The following SH3BGRL2 variants were observed in gnomAD, a reference collection of about 807,000 sequenced individuals.
SH3BGRL2 encodes SH3 domain-binding glutamic acid-rich-like protein 2.
A neutral mutation model predicts 14.8 loss-of-function variants in SH3BGRL2; 21 were observed. That is an observed-to-expected ratio of 1.42 (90% CI 1.01 to 2.05). The LOEUF is 2.05. Among genes scored for constraint, SH3BGRL2 ranks in the 30% most tolerant of loss-of-function variants. The probability of loss-of-function intolerance (pLI) is 0.00; values close to 1 mark genes in which losing one functional copy is unlikely to be tolerated. For missense variants in SH3BGRL2, 147 were observed against 130.8 expected (o/e 1.12, Z -0.61); for synonymous variants, 50 against 47.8 (o/e 1.05, Z -0.19).
In SH3BGRL2 at chr6:79,669,841, G is replaced by A. The variant is rs1582729543; in HGVS notation, c.46-3773G>A. Among the ~76,000 whole-genome samples the A allele has an allele frequency of 2.6e-5, 4 of 152,294 alleles. No individual in the cohort carries two copies. In the South Asian group the frequency reaches 6.2e-4, roughly 24 times the overall value. On this transcript the variant is annotated intron_variant, in intron 1 of 3. Coordinates refer to ENST00000369838, the MANE Select transcript of SH3BGRL2 (RefSeq NM_031469.4). The stretch of plus-strand genomic sequence containing the variant: ...TGCTGTGGTGAAAAATACAGCAGTG[G>A]AGGGGAAGTAGAGAGTTCTGGGGTA...
intron 2 of SH3BGRL2, among the ~76,000 whole-genome samples, chr6:79,689,530 A>T (rs961887863): frequency 1.3e-5 from 2 of 152,126 alleles, no homozygotes; most frequent in African/African-American, 4.8e-5. Context: ...TTTTCTCTGC[A>T]TGAGAGAAAA....
intron 2 of SH3BGRL2, among the ~76,000 whole-genome samples, chr6:79,681,803 G>A (rs191911140): frequency 6.6e-6 from 1 of 151,994 alleles, no homozygotes; most frequent in Non-Finnish European, 1.5e-5. Context: ...ACAAATATCC[G>A]ATCCATATAT....
chr6:79,694,939 A>G (rs1192905937), intron 2 of SH3BGRL2, among the ~76,000 whole-genome samples: 2 of 151,842 alleles, frequency 1.3e-5, no homozygotes, highest in Non-Finnish European at 2.9e-5. Flanking sequence ...TTATTTAGGT[A>G]TTTTCTTAAA....
intron 1 of SH3BGRL2, among the ~76,000 whole-genome samples, chr6:79,659,661 T>C (rs1353776229): frequency 2.0e-5 from 3 of 152,228 alleles, no homozygotes; most frequent in Non-Finnish European, 2.9e-5. Flanking sequence ...GTGGTTTTTT[T>C]CCAATTCTGT....
intron 2 of SH3BGRL2, among the ~76,000 whole-genome samples, chr6:79,693,806 G>A (rs1770277025): frequency 1.3e-5 from 2 of 152,178 alleles, no homozygotes; most frequent in Non-Finnish European, 2.9e-5. Context: ...TTGAGAGAAT[G>A]ATGGGGTAGA....
chr6:79,693,913 G>T (rs929685813), intron 2 of SH3BGRL2, among the ~76,000 whole-genome samples: 1 of 152,166 alleles, frequency 6.6e-6, no homozygotes, highest in African/African-American at 2.4e-5. Flanking sequence ...AAATTGAGAG[G>T]CTTAAGGGAT....
rs529815720 is a variant in SH3BGRL2 at position 79,660,399 on chromosome 6, T to C, written c.46-13215T>C. On this transcript the variant is annotated intron_variant, in intron 1 of 3. Transcript: ENST00000369838. The stretch of plus-strand genomic sequence containing the variant: ...CTTTTTGCATCTATTGAGATAATCA[T>C]GTGGTTTTTGTTGTTGGTTCTGTTC... Among the ~76,000 whole-genome samples, 18 of 152,330 alleles carry C rather than the reference T, an allele frequency of 1.2e-4. No homozygotes were observed. The East Asian group carries it at 2.5e-3, about 21-fold the overall frequency.
At chr6:79,652,729 TG>T (rs1769320948) in intron 1 of SH3BGRL2, among the ~76,000 whole-genome samples, 1 of 151,868 alleles carries the variant, frequency 6.6e-6, no homozygotes, top group East Asian at 1.9e-4. Flanking sequence ...TATTTTGGGT[TG>T]GGGGTGACTT....
At chr6:79,609,884 G>A in the SH3BGRL2 span, among the ~76,000 whole-genome samples, 38 of 152,252 alleles carry the variant, frequency 2.5e-4, no homozygotes, top group African/African-American at 8.7e-4. Context: ...AAGAAGGCAG[G>A]CCATTCAAAT....
At chr6:79,582,737 T>G in the SH3BGRL2 span, among the ~76,000 whole-genome samples, 2 of 152,152 alleles carry the variant, frequency 1.3e-5, no homozygotes, top group Non-Finnish European at 2.9e-5. Flanking sequence ...AAGGACTTCA[T>G]GACTAAAACA....
At chr6:79,603,871 C>G in the SH3BGRL2 span, among the ~76,000 whole-genome samples, 1 of 152,140 alleles carries the variant, frequency 6.6e-6, no homozygotes, top group South Asian at 2.1e-4. Flanking sequence ...GTGGTGCAAT[C>G]TCAGCTCACT....
At chr6:79,651,502 C>A (rs1769294016) in intron 1 of SH3BGRL2, among the ~76,000 whole-genome samples, 1 of 152,126 alleles carries the variant, frequency 6.6e-6, no homozygotes, top group South Asian at 2.1e-4. Context: ...GGCTTTACAT[C>A]ACTAAGTATT....
At chr6:79,571,170 T>C in the SH3BGRL2 span, among the ~76,000 whole-genome samples, 3 of 152,232 alleles carry the variant, frequency 2.0e-5, no homozygotes, top group Admixed American at 6.5e-5. Flanking sequence ...TGGTATTCTG[T>C]CTCTGATGGA....
chr6:79,617,314 G>A, the SH3BGRL2 span, among the ~76,000 whole-genome samples: 1 of 152,028 alleles, frequency 6.6e-6, no homozygotes, highest in East Asian at 1.9e-4. Flanking sequence ...CTGGATTTTT[G>A]AAATTAAGTA....
intron 2 of SH3BGRL2, among the ~76,000 whole-genome samples, chr6:79,678,731 G>A (rs972002243): frequency 2.0e-5 from 3 of 152,276 alleles, no homozygotes; most frequent in Middle Eastern, 3.4e-3. Flanking sequence ...GGGATAGTGA[G>A]CATAGTACCC....
the SH3BGRL2 span, among the ~76,000 whole-genome samples, chr6:79,539,277 TG>T: frequency 6.6e-6 from 1 of 152,220 alleles, no homozygotes; most frequent in African/African-American, 2.4e-5. Flanking sequence ...TGACATTACA[TG>T]GTTTTATATA....
the SH3BGRL2 span, among the ~76,000 whole-genome samples, chr6:79,600,843 T>C: frequency 6.6e-6 from 1 of 152,314 alleles, no homozygotes; most frequent in East Asian, 1.9e-4. Flanking sequence ...TTTTTAAGTG[T>C]GACATTTACC....
the SH3BGRL2 span, among the ~76,000 whole-genome samples, chr6:79,580,633 A>G: frequency 1.3e-5 from 2 of 152,256 alleles, no homozygotes; most frequent in African/African-American, 2.4e-5. Context: ...TCTGGGACAC[A>G]GTCAAAGCAG....
Position 79,693,713 on chromosome 6 carries a change from T to C in SH3BGRL2, c.232-2772T>C, listed in dbSNP as rs1262742036. Among the ~76,000 whole-genome samples the C allele has an allele frequency of 2.6e-5, 4 of 152,224 alleles. No homozygotes were observed. The East Asian group carries it at 5.8e-4, about 22-fold the overall frequency. The stretch of plus-strand genomic sequence containing the variant: ...ATGCATCCCAGGGATGAAGCCCGCT[T>C]GATCATAGTGGATAAGCTTTTTGAT... On this transcript the variant is annotated intron_variant, in intron 2 of 3. Transcript: ENST00000369838.
Sources: allele counts gnomAD v4.1 joint callset (sites outside exome capture counted in the v4.1 genomes callset), GRCh38; gene constraint gnomAD v4.1.1; transcripts MANE v1.5; gene names NCBI Gene and HGNC (gene_info 2026-07-23, HGNC 2026-07-21).